Variants in BBX observed in about 807,000 individuals in gnomAD.
BBX encodes HMG box transcription factor BBX.
Under a neutral mutation model 100.2 loss-of-function variants are expected in BBX, and 30 were observed. That is an observed-to-expected ratio of 0.30 (90% confidence interval 0.22 to 0.41). BBX has a LOEUF of 0.41. BBX is among the 10% of genes least tolerant of loss of function. The pLI is 1.00. For missense variants in BBX, 1,023 were observed against 1,129.8 expected, an observed-to-expected ratio of 0.91 and a Z score of 1.35; for synonymous variants, 376 against 388.1, an observed-to-expected ratio of 0.97 and a Z score of 0.37.
At chr3:107,560,135 C>T (rs1310318243) in intron 2 of BBX, among the ~76,000 whole-genome samples, 1 of 151,568 alleles carries the variant, frequency 6.6e-6, no homozygotes, top group African/African-American at 2.4e-5. Context: ...TTAGATTTTG[C>T]ATATTAAATT....
Position 107,778,480 on chromosome 3 carries a change from A to G in BBX, c.2164A>G (p.Thr722Ala). Residue 722 changes from threonine to alanine, a missense_variant, in exon 13 of 18, where the codon ACT becomes GCT. Around this residue, in one of 9 missense-constraint regions of BBX, gnomAD observed 215 missense variants for 211.3 expected, o/e 1.02. Transcript: ENST00000325805. ...CVPVPRKKKK[T>A]GNVSSEPTKT... ...ACCTGTCCCAAGAAAAAAGAAGAAG[A>G]CTGGAAATGTGTCCTCAGAACCGAC... is the stretch of plus-strand genomic sequence containing the variant. 1.9e-6 allele frequency: 3 copies of G among 1,613,276 alleles called. No individual in the cohort carries two copies. Among genetic ancestry groups the G allele is most frequent in the Non-Finnish European group, 2.5e-6 (3 of 1,179,454 alleles).
chr3:107,566,190 A>G (rs370309229), intron 2 of BBX, among the ~76,000 whole-genome samples: 12,002 of 147,958 alleles, frequency 0.081, 697 homozygotes, highest in Non-Finnish European at 0.12. Context: ...AAAAAAAAAA[A>G]AAAAAAAAAA....
At chr3:107,730,661 T>C (rs9839651) in intron 6 of BBX, among the ~76,000 whole-genome samples, 17,475 of 152,218 alleles carry the variant, frequency 0.11, 1,363 homozygotes, top group Non-Finnish European at 0.17. Context: ...ACAAGATCTT[T>C]ACAGATCGGT....
At chr3:107,549,930 C>T (rs1292312275) in intron 2 of BBX, among the ~76,000 whole-genome samples, 1 of 146,006 alleles carries the variant, frequency 6.8e-6, no homozygotes, top group Non-Finnish European at 1.5e-5. Flanking sequence ...TTTAAAATAA[C>T]TCTCAAGGAG....
chr3:107,753,585 G>A (rs1428398300), intron 9 of BBX, among the ~76,000 whole-genome samples: 5 of 152,184 alleles, frequency 3.3e-5, no homozygotes, highest in Non-Finnish European at 4.4e-5. Flanking sequence ...GGCAGGTAGT[G>A]CATCCATGCA....
intron 4 of BBX, among the ~76,000 whole-genome samples, 180 bp downstream of exon 4, chr3:107,710,802 A>G (rs913142089): frequency 2.0e-5 from 3 of 152,184 alleles, no homozygotes; most frequent in African/African-American, 7.2e-5. Context: ...AAGTATTTGT[A>G]CTTCCTAATA....
At chr3:107,553,662 T>G (rs2049868230) in intron 2 of BBX, among the ~76,000 whole-genome samples, 1 of 152,178 alleles carries the variant, frequency 6.6e-6, no homozygotes, top group Non-Finnish European at 1.5e-5. Context: ...AAAGATACTG[T>G]ATCATTCACT....
At chr3:107,611,816 A>C (rs1576491744) in intron 2 of BBX, among the ~76,000 whole-genome samples, 1 of 152,058 alleles carries the variant, frequency 6.6e-6, no homozygotes, top group Non-Finnish European at 1.5e-5. Flanking sequence ...CCTGGAATAA[A>C]CTTTCTACCC....
chr3:107,740,207 T>G (rs1007019359), intron 7 of BBX, among the ~76,000 whole-genome samples: 23 of 152,022 alleles, frequency 1.5e-4, no homozygotes, highest in African/African-American at 5.6e-4. Flanking sequence ...CAGCTTCTCC[T>G]TTAACTCTCA....
intron 7 of BBX, among the ~76,000 whole-genome samples, chr3:107,738,376 C>T (rs926422962): frequency 1.3e-5 from 2 of 152,134 alleles, no homozygotes; most frequent in Admixed American, 1.3e-4. Context: ...CAGGTCTACC[C>T]ACTTGCCTGG....
rs555906329 is a variant in BBX, at chr3:107,743,059, G to C, written c.670-1571G>C. Reference sequence around the variant, plus strand: ...TATGTCATATAGACTTTATGCAGTGGAGCAACTCTAAATAATAATACGTTT... The same window carrying C: ...TATGTCATATAGACTTTATGCAGTGCAGCAACTCTAAATAATAATACGTTT... On this transcript the variant is annotated intron_variant, in intron 7 of 17. Coordinates refer to ENST00000325805, the MANE Select transcript of BBX (RefSeq NM_001142568.3). 3.3e-5 allele frequency among the ~76,000 whole-genome samples: 5 copies of C among 152,148 alleles called. No individual in the cohort carries two copies. In the East Asian group the frequency reaches 7.7e-4, roughly 23 times the overall value.
intron 3 of BBX, among the ~76,000 whole-genome samples, chr3:107,694,654 C>T (rs1217924957): frequency 2.7e-5 from 4 of 149,932 alleles, no homozygotes; most frequent in African/African-American, 9.9e-5. Flanking sequence ...GTCTAAAATT[C>T]TCTTTTTTGG....
intron 2 of BBX, among the ~76,000 whole-genome samples, chr3:107,605,375 A>ATT (rs34100576): frequency 0.14 from 19,904 of 145,680 alleles, 1,545 homozygotes; most frequent in Middle Eastern, 0.2. Flanking sequence ...TTCACTTTCT[A>ATT]TTTTTTTTTT....
rs547495794 is a variant in BBX at position 107,806,672 on chromosome 3, A to G, written c.*1215A>G. On this transcript the variant is annotated 3_prime_UTR_variant, in exon 18 of 18. Transcript: ENST00000325805. ...CTTTTGAACATAAAACCAACCATAC[A>G]TAAGCAGCGCCAAGTGGATTAACTG... 2.6e-5 allele frequency: 4 copies of G among 152,222 alleles called. No individual in the cohort carries two copies. The highest frequency in any genetic ancestry group is 5.9e-5 in the Non-Finnish European group (4 of 68,046). The allele number at this position is 152,222 out of a possible 1,614,324, so 9.4% of individuals were successfully genotyped here.
At chr3:107,677,538 C>T (rs576230539) in intron 3 of BBX, 88 of 152,264 alleles carry the variant, frequency 5.8e-4, no homozygotes, top group African/African-American at 2.0e-3. Context: ...CATAACTTAG[C>T]TTAGCCTGCC....
intron 2 of BBX, among the ~76,000 whole-genome samples, chr3:107,542,944 A>G (rs548162881): frequency 6.6e-6 from 1 of 151,598 alleles, no homozygotes; most frequent in Non-Finnish European, 1.5e-5. Flanking sequence ...CTTTTTCTCT[A>G]TTTGTGTTTC....
chr3:107,566,620 TTTG>T (rs2050939811), intron 2 of BBX, among the ~76,000 whole-genome samples: 2 of 151,800 alleles, frequency 1.3e-5, no homozygotes, highest in Non-Finnish European at 1.5e-5. Flanking sequence ...CTATGGTGGT[TTTG>T]TTGTTGGGTT....
At chr3:107,600,964 C>T (rs1215277893) in intron 2 of BBX, among the ~76,000 whole-genome samples, 2 of 152,204 alleles carry the variant, frequency 1.3e-5, no homozygotes, top group Non-Finnish European at 2.9e-5. Flanking sequence ...AGTCTATCAG[C>T]ACCACTTTGC....
At chr3:107,684,584 G>C (rs1156361117) in intron 3 of BBX, 2 of 152,140 alleles carry the variant, frequency 1.3e-5, no homozygotes, top group African/African-American at 2.4e-5. Flanking sequence ...CAGTGGCGGA[G>C]CAAAGGCAGC....
Sources: gnomAD v4.1 joint callset for allele counts (sites outside exome capture counted in the v4.1 genomes callset) on GRCh38, gnomAD v4.1.1 for gene constraint, gnomAD v4.1.1 regional missense constraint, MANE v1.5 for transcripts, NCBI Gene and HGNC (gene_info 2026-07-23, HGNC 2026-07-21) for gene names.